Variants in FSTL5 observed in about 807,000 individuals in gnomAD.
The protein encoded by FSTL5 is follistatin like 5, also known as follistatin-related protein 5.
A neutral mutation model predicts 89.1 loss-of-function variants in FSTL5; 62 were observed. The ratio of observed to expected loss-of-function variants is 0.70; its 90% CI spans 0.57 to 0.86. FSTL5 has a LOEUF of 0.86. Among genes scored for constraint, FSTL5 ranks in the 40% least tolerant of loss-of-function variants. The pLI is 0.00. For synonymous variants in FSTL5, 383 were observed against 346.2 expected (o/e 1.11, Z -1.18); for missense variants, 1,057 against 1,001.6 (o/e 1.06, Z -0.75).
chr4:161,947,142 A>ATGTGTG (rs70937698), intron 3 of FSTL5, among the ~76,000 whole-genome samples: 37,172 of 148,454 alleles, frequency 0.25, 5,668 homozygotes, highest in Non-Finnish European at 0.35. Context: ...GTGTGTGTGT[A>ATGTGTG]TGTGTGTGTG....
intron 3 of FSTL5, among the ~76,000 whole-genome samples, chr4:161,954,503 CG>C (rs35768575): frequency 0.069 from 10,484 of 151,504 alleles, 995 homozygotes; most frequent in African/African-American, 0.22. Flanking sequence ...CATTGCATAT[CG>C]GGATATACCT....
At chr4:161,589,696 A>G (rs1183282640) in intron 7 of FSTL5, among the ~76,000 whole-genome samples, 2 of 152,084 alleles carry the variant, frequency 1.3e-5, no homozygotes, top group African/African-American at 4.8e-5. Flanking sequence ...TACTAGTTGT[A>G]GAGAGCAACA....
chr4:161,726,688 C>T (rs1324276644), intron 6 of FSTL5, among the ~76,000 whole-genome samples: 2 of 151,986 alleles, frequency 1.3e-5, no homozygotes, highest in Non-Finnish European at 1.5e-5. Flanking sequence ...AAGACTAAAA[C>T]GTATAGTAAT....
chr4:161,688,902 A>C (rs1299305644), intron 6 of FSTL5, among the ~76,000 whole-genome samples: 1 of 152,180 alleles, frequency 6.6e-6, no homozygotes, highest in African/African-American at 2.4e-5. Context: ...CATCATTTGC[A>C]AATAATAATT....
intron 15 of FSTL5, among the ~76,000 whole-genome samples, chr4:161,448,707 A>ATGCAG (rs975525431): frequency 3.5e-4 from 54 of 152,272 alleles, no homozygotes; most frequent in African/African-American, 1.2e-3. Flanking sequence ...GCCATTGGCT[A>ATGCAG]TGCAGGGATT....
intron 4 of FSTL5, among the ~76,000 whole-genome samples, chr4:161,802,931 T>C (rs1729843763): frequency 1.3e-5 from 2 of 152,044 alleles, no homozygotes; most frequent in Non-Finnish European, 2.9e-5. Context: ...TAATTTTCTC[T>C]AATTATTATG....
chr4:161,853,422 T>G (rs1023882043), intron 4 of FSTL5, among the ~76,000 whole-genome samples: 1 of 152,014 alleles, frequency 6.6e-6, no homozygotes, highest in Admixed American at 6.6e-5. Flanking sequence ...CACCTGCCAC[T>G]ACACCCAGCT....
chr4:161,770,783 T>C (rs1300431828), intron 5 of FSTL5, among the ~76,000 whole-genome samples: 2 of 151,822 alleles, frequency 1.3e-5, no homozygotes, highest in African/African-American at 4.8e-5. Context: ...ATATATATAA[T>C]ATTTATTTTA....
chr4:162,065,127 A>AGGG, intron 2 of FSTL5, among the ~76,000 whole-genome samples: 1 of 152,156 alleles, frequency 6.6e-6, no homozygotes, highest in East Asian at 1.9e-4. Context: ...AGACTTACAT[A>AGGG]TAAGATCTGA....
chr4:161,735,684 A>G (rs956331433), intron 6 of FSTL5, among the ~76,000 whole-genome samples: 1 of 152,176 alleles, frequency 6.6e-6, no homozygotes, highest in Non-Finnish European at 1.5e-5. Context: ...ATTAATGCAT[A>G]TATAACTTCA....
chr4:161,948,899 C>T (rs2110946013), intron 3 of FSTL5, among the ~76,000 whole-genome samples: 2 of 152,172 alleles, frequency 1.3e-5, no homozygotes, highest in South Asian at 4.1e-4. Flanking sequence ...TGGCTATTTT[C>T]TCTCACAGCT....
At chr4:161,967,396 C>T (rs1735359036) in intron 3 of FSTL5, among the ~76,000 whole-genome samples, 1 of 146,938 alleles carries the variant, frequency 6.8e-6, no homozygotes. Context: ...AAAAGAAAAC[C>T]ACAAAAATAG....
chr4:161,411,823 A>ATTCT, intron 15 of FSTL5, among the ~76,000 whole-genome samples: 1 of 152,322 alleles, frequency 6.6e-6, no homozygotes, highest in East Asian at 1.9e-4. Flanking sequence ...ATAGTACTAG[A>ATTCT]AGTCCTAGCC....
chr4:161,810,337 G>A (rs552970002), intron 4 of FSTL5, among the ~76,000 whole-genome samples: 1 of 152,158 alleles, frequency 6.6e-6, no homozygotes, highest in South Asian at 2.1e-4. Context: ...AATATTTCAA[G>A]TTTTAAGGTC....
intron 4 of FSTL5, among the ~76,000 whole-genome samples, chr4:161,896,771 C>T (rs1371297863): frequency 6.6e-6 from 1 of 152,038 alleles, no homozygotes; most frequent in Non-Finnish European, 1.5e-5. Flanking sequence ...CCCTTAAGAC[C>T]TTATGGAAAA....
chr4:161,602,420 GA>G (rs1469774294), intron 7 of FSTL5, among the ~76,000 whole-genome samples: 3 of 151,330 alleles, frequency 2.0e-5, no homozygotes, highest in African/African-American at 7.3e-5. Context: ...AAATTAGTAG[GA>G]AAAAAATAGA....
chr4:161,870,106 C>T (rs542162979), intron 4 of FSTL5, among the ~76,000 whole-genome samples: 1 of 152,240 alleles, frequency 6.6e-6, no homozygotes, highest in African/African-American at 2.4e-5. Context: ...AATTTGATTA[C>T]TGTGTTGGCT....
At chr4:161,743,565 T>A (rs989981475) in intron 6 of FSTL5, among the ~76,000 whole-genome samples, 2 of 152,156 alleles carry the variant, frequency 1.3e-5, no homozygotes, top group African/African-American at 4.8e-5. Context: ...CTTTAGTTTT[T>A]TTTTCTATTT....
intron 8 of FSTL5, among the ~76,000 whole-genome samples, chr4:161,565,330 G>A (rs1732759069): frequency 6.6e-6 from 1 of 151,622 alleles, no homozygotes; most frequent in African/African-American, 2.4e-5. Flanking sequence ...CTTAGAAGTA[G>A]GTTTGCTTAG....
Sources: allele counts gnomAD v4.1 joint callset (sites outside exome capture counted in the v4.1 genomes callset), GRCh38; gene constraint gnomAD v4.1.1; transcripts MANE v1.5; gene names NCBI Gene and HGNC (gene_info 2026-07-23, HGNC 2026-07-21).